WWC2: variants seen among roughly 807,000 people sequenced by gnomAD.
WWC2 encodes the protein protein WWC2.
In WWC2, 101 loss-of-function variants were observed where a neutral mutation model predicts 138.5. The ratio of observed to expected loss-of-function variants is 0.73; its 90% CI spans 0.62 to 0.86. The LOEUF (loss-of-function observed/expected upper bound fraction) is 0.86, where lower values mean the gene tolerates loss of function less well. Among genes scored for constraint, WWC2 ranks in the 40% least tolerant of loss-of-function variants. WWC2 has a pLI of 0.00. For synonymous variants in WWC2, 558 were observed against 538.4 expected, an observed-to-expected ratio of 1.04 and a Z score of -0.50; for missense variants, 1,420 against 1,419.4, an observed-to-expected ratio of 1.00 and a Z score of -0.01.
chr4:183,279,358 T>G (rs1225126815), intron 16 of WWC2, among the ~76,000 whole-genome samples: 1 of 152,012 alleles, frequency 6.6e-6, no homozygotes, highest in South Asian at 2.1e-4. Flanking sequence ...CTTTTTGATG[T>G]GCTGCTGGAT....
intron 1 of WWC2, among the ~76,000 whole-genome samples, chr4:183,168,194 T>TTTTA (rs1734178762): frequency 6.6e-6 from 1 of 150,842 alleles, no homozygotes; most frequent in Non-Finnish European, 1.5e-5. Context: ...TTTTTTTTTT[T>TTTTA]AAGATTTAGA....
At chr4:183,145,304 T>C (rs992967767) in intron 1 of WWC2, among the ~76,000 whole-genome samples, 1 of 152,222 alleles carries the variant, frequency 6.6e-6, no homozygotes, top group African/African-American at 2.4e-5. Flanking sequence ...CCTGGCAATA[T>C]TTATTTTCGA....
At chr4:183,154,535 G>A (rs1733740783) in intron 1 of WWC2, among the ~76,000 whole-genome samples, 2 of 152,150 alleles carry the variant, frequency 1.3e-5, no homozygotes, top group African/African-American at 4.8e-5. Context: ...GGACTTCTGT[G>A]TTCACCAGCA....
chr4:183,245,608 C>T (rs1736753984), intron 6 of WWC2, 63 bp downstream of exon 6: 2 of 1,475,910 alleles, frequency 1.4e-6, no homozygotes, highest in African/African-American at 1.4e-5. Flanking sequence ...GAAACTCTTA[C>T]TGGGGCAGAA....
At chr4:183,154,019 A>C (rs936907523) in intron 1 of WWC2, among the ~76,000 whole-genome samples, 17 of 150,946 alleles carry the variant, frequency 1.1e-4, no homozygotes, top group Admixed American at 3.9e-4. Context: ...AAAAAAAAAA[A>C]AAAAAAAAAC....
rs1739572752 is a variant in WWC2 at position 183,319,754 on chromosome 4, G to A, written c.*4025G>A. On this transcript the variant is annotated 3_prime_UTR_variant, in exon 23 of 23. Coordinates refer to ENST00000403733, the MANE Select transcript of WWC2 (RefSeq NM_024949.6). ...CCCCAAACTCCCACCTGGGGACAAA[G>A]TCTGGGACGTTCTCATCCCAGAACT... 2 of 1,613,838 alleles carry A rather than the reference G, an allele frequency of 1.2e-6. No homozygotes were observed. The highest frequency in any genetic ancestry group is 1.3e-5 in the African/African-American group (1 of 74,902).
At chr4:183,245,225 TAAAAAAAAAA>T (rs746541290) in intron 5 of WWC2, among the ~76,000 whole-genome samples, 181 bp from the exon 6 acceptor site, 8 of 69,476 alleles carry the variant, frequency 1.2e-4, no homozygotes, top group African/African-American at 3.0e-4. Context: ...AGACTCCATC[TAAAAAAAAAA>T]AAAAAAAAAA....
In WWC2 at chr4:183,194,376, A is replaced by G. The variant is rs574801931; in HGVS notation, c.241+668A>G. On this transcript the variant is annotated intron_variant, in intron 2 of 22. Coordinates refer to ENST00000403733, the MANE Select transcript of WWC2 (RefSeq NM_024949.6). ...TGTATGTTTGTGTGTGTGTGTTTAT[A>G]TGAATATCTAGCACTCTATCTACTC... Among the ~76,000 whole-genome samples, 155 of 152,314 alleles carry G rather than the reference A, an allele frequency of 1.0e-3. 1 individual carries two copies. Among genetic ancestry groups the G allele is most frequent in the African/African-American group, 3.5e-3 (147 of 41,560 alleles).
chr4:183,202,757 G>A (rs931164040), intron 2 of WWC2, among the ~76,000 whole-genome samples: 2 of 152,090 alleles, frequency 1.3e-5, no homozygotes, highest in South Asian at 2.1e-4. Flanking sequence ...TTCAAGCCAG[G>A]GTAGGTTAAC....
intron 15 of WWC2, chr4:183,269,418 G>A (rs1218586271): frequency 3.3e-6 from 2 of 612,104 alleles, no homozygotes; most frequent in Non-Finnish European, 6.3e-6. Flanking sequence ...TTTCACCACA[G>A]AAGAACTTTA....
rs10690640 is a variant in WWC2, at chr4:183,178,377, CAAATAAAT to C, written c.132-15185_132-15178del. 8.2e-3 allele frequency among the ~76,000 whole-genome samples: 1,106 copies of C among 134,584 alleles called. 19 individuals are homozygous for C. Among genetic ancestry groups the C allele is most frequent in the Middle Eastern group, 0.015 (4 of 268 alleles). The allele number at this position is 134,584 out of a possible 152,430, so 88.3% of individuals were successfully genotyped here. A position where few individuals can be genotyped will look rare whatever the true frequency, so the allele number is the denominator to read the frequency against. On this transcript the variant is annotated intron_variant, in intron 1 of 22. Transcript: ENST00000403733. ...GCTACACAGTGAGACCCTGTTTCTA[CAAATAAAT>C]AAATAAATAAATAAATAAATAAATA...
chr4:183,117,667 CCT>C (rs988237300), intron 1 of WWC2, among the ~76,000 whole-genome samples: 3 of 151,428 alleles, frequency 2.0e-5, no homozygotes, highest in Non-Finnish European at 4.4e-5. Context: ...GTCTCATCTC[CCT>C]GTGTTGCCCA....
intron 9 of WWC2, among the ~76,000 whole-genome samples, chr4:183,256,475 C>T (rs933815014): frequency 6.6e-6 from 1 of 152,106 alleles, no homozygotes; most frequent in African/African-American, 2.4e-5. Context: ...TTCACCCTTT[C>T]GTGTCTTCCT....
At chr4:183,265,581 G>T (rs1423622092) in intron 12 of WWC2, 107 bp from the exon 13 acceptor site, 1 of 1,119,748 alleles carries the variant, frequency 8.9e-7, no homozygotes, top group East Asian at 2.6e-5. Context: ...GGGCATAGGA[G>T]TGCTGTTAAT....
chr4:183,201,531 A>T (rs891216571), intron 2 of WWC2, among the ~76,000 whole-genome samples: 5 of 152,162 alleles, frequency 3.3e-5, no homozygotes, highest in Admixed American at 1.3e-4. Context: ...GCTTAGAGTC[A>T]TCCCTTATCC....
intron 4 of WWC2, among the ~76,000 whole-genome samples, chr4:183,227,106 C>CA (rs1736096525): frequency 6.8e-6 from 1 of 146,150 alleles, no homozygotes; most frequent in Admixed American, 6.9e-5. Context: ...ACCACCCTAG[C>CA]ATACCTCCCA....
At position 183,316,036 on chromosome 4, in the gene WWC2, C is replaced by A; in HGVS notation, c.*307C>A. The A allele has an allele frequency of 4.5e-6, 1 of 224,376 alleles. No individual in the cohort carries two copies. The highest frequency in any genetic ancestry group is 8.6e-6 in the Non-Finnish European group (1 of 115,626). The allele number at this position is 224,376 out of a possible 1,614,324, so 13.9% of individuals were successfully genotyped here. On this transcript the variant is annotated 3_prime_UTR_variant, in exon 23 of 23. Transcript: ENST00000403733. ...TTGTAAAAATGGAATAGAGGCAGTA[C>A]CCCACATGTGTACTGTTGAGCCGGC...
chr4:183,235,660 G>A lies in WWC2; in HGVS notation c.523-4523G>A, dbSNP rs116620379. ...TTCATTCATATTGTCACATATTGCA[G>A]CCTTTCCTTCTTTTAAAGGCTGCAT... On this transcript the variant is annotated intron_variant, in intron 4 of 22. Coordinates refer to ENST00000403733, the MANE Select transcript of WWC2 (RefSeq NM_024949.6). Among the ~76,000 whole-genome samples the A allele has an allele frequency of 1.1e-3, 173 of 152,200 alleles. 1 individual carries two copies. Among genetic ancestry groups the A allele is most frequent in the African/African-American group, 4.1e-3 (169 of 41,546 alleles).
chr4:183,320,430 A>G lies in WWC2; in HGVS notation c.*4701A>G, dbSNP rs1739606360. 1.7e-6 allele frequency: 1 copy of G among 595,618 alleles called. No individual in the cohort carries two copies. Among genetic ancestry groups the G allele is most frequent in the Non-Finnish European group, 3.0e-6 (1 of 333,448 alleles). The allele number at this position is 595,618 out of a possible 1,614,324, so 36.9% of individuals were successfully genotyped here. ...ATAATGCCGCCAACCAGTAATGCCA[A>G]GGTGTGGCCAAGATTGTGTTTGTGT... On this transcript the variant is annotated 3_prime_UTR_variant, in exon 23 of 23. Transcript: ENST00000403733.
Sources: gnomAD v4.1 joint callset for allele counts (sites outside exome capture counted in the v4.1 genomes callset) on GRCh38, gnomAD v4.1.1 for gene constraint, MANE v1.5 for transcripts, NCBI Gene and HGNC (gene_info 2026-07-23, HGNC 2026-07-21) for gene names.